The following ST6GALNAC3 variants were observed in gnomAD, a reference collection of about 807,000 sequenced individuals.
ST6GALNAC3 encodes the protein ST6 N-acetylgalactosaminide alpha-2,6-sialyltransferase 3, also known as alpha-N-acetylgalactosaminide alpha-2,6-sialyltransferase 3.
ST6GALNAC3 carries 25 observed loss-of-function variants against 32.7 expected under a neutral mutation model. The ratio of observed to expected loss-of-function variants is 0.76; its 90% CI spans 0.56 to 1.07. The LOEUF is 1.07. Ranked by LOEUF, ST6GALNAC3 falls within the 50% of genes least tolerant of loss-of-function variation. The pLI is 0.00. For missense variants in ST6GALNAC3, 355 were observed against 382.4 expected, an observed-to-expected ratio of 0.93 and a Z score of 0.60; for synonymous variants, 129 against 133.1, an observed-to-expected ratio of 0.97 and a Z score of 0.21.
chr1:76,536,654 CAAAAAAAAAAA>C (rs35157329), intron 3 of ST6GALNAC3, among the ~76,000 whole-genome samples: 4 of 57,622 alleles, frequency 6.9e-5, no homozygotes, highest in Non-Finnish European at 1.3e-4. Context: ...AAATGGAAAG[CAAAAAAAAAAA>C]AAAAAAAAAA....
chr1:76,591,374 A>T (rs1299510825), intron 3 of ST6GALNAC3, among the ~76,000 whole-genome samples: 1 of 152,106 alleles, frequency 6.6e-6, no homozygotes, highest in Non-Finnish European at 1.5e-5. Context: ...ATTTTGATTC[A>T]AAAGTCTGGG....
chr1:76,479,137 C>T (rs1223012316), intron 3 of ST6GALNAC3, among the ~76,000 whole-genome samples: 1 of 152,034 alleles, frequency 6.6e-6, no homozygotes, highest in East Asian at 1.9e-4. Flanking sequence ...TGTAACAGAA[C>T]TAAATACTTT....
chr1:76,391,179 A>G (rs1652515606), intron 2 of ST6GALNAC3, among the ~76,000 whole-genome samples: 3 of 152,058 alleles, frequency 2.0e-5, no homozygotes, highest in Admixed American at 6.6e-5. Flanking sequence ...TGACCTCGTG[A>G]TCCGCCCATC....
chr1:76,323,172 C>T (rs1371504757), intron 2 of ST6GALNAC3, among the ~76,000 whole-genome samples: 2 of 151,990 alleles, frequency 1.3e-5, no homozygotes, highest in African/African-American at 4.8e-5. Context: ...GATTGCAGGC[C>T]TGTGTCAAAC....
intron 3 of ST6GALNAC3, among the ~76,000 whole-genome samples, chr1:76,511,554 G>T (rs1203834437): frequency 6.6e-6 from 1 of 152,186 alleles, no homozygotes; most frequent in East Asian, 1.9e-4. Context: ...TAGGTTTAAA[G>T]ATTCTTTAGA....
At chr1:76,558,388 A>G (rs895850448) in intron 3 of ST6GALNAC3, among the ~76,000 whole-genome samples, 1 of 152,196 alleles carries the variant, frequency 6.6e-6, no homozygotes, top group African/African-American at 2.4e-5. Context: ...GTACATATAC[A>G]CCATGGAATA....
intron 3 of ST6GALNAC3, among the ~76,000 whole-genome samples, chr1:76,501,592 G>A (rs1661179496): frequency 6.6e-6 from 1 of 152,096 alleles, no homozygotes; most frequent in East Asian, 1.9e-4. Flanking sequence ...CGCCTAATAA[G>A]GAAGCTAACT....
At chr1:76,282,541 A>T (rs1401308721) in intron 1 of ST6GALNAC3, among the ~76,000 whole-genome samples, 1 of 152,178 alleles carries the variant, frequency 6.6e-6, no homozygotes, top group Admixed American at 6.5e-5. Flanking sequence ...TTTTAGTTTT[A>T]TCAATAGTGC....
At chr1:76,162,248 A>T (rs746747107) in intron 1 of ST6GALNAC3, among the ~76,000 whole-genome samples, 3 of 152,248 alleles carry the variant, frequency 2.0e-5, no homozygotes, top group Non-Finnish European at 4.4e-5. Context: ...CATGTAAAAG[A>T]TGCTCAGCCT....
chr1:76,323,333 A>G (rs181184674), intron 2 of ST6GALNAC3, among the ~76,000 whole-genome samples: 1 of 152,318 alleles, frequency 6.6e-6, no homozygotes, highest in East Asian at 1.9e-4. Context: ...AATGACAGTC[A>G]CTGTGTTAAG....
chr1:76,079,484 A>G (rs987705170), intron 1 of ST6GALNAC3, among the ~76,000 whole-genome samples: 1 of 152,224 alleles, frequency 6.6e-6, no homozygotes, highest in African/African-American at 2.4e-5. Context: ...GGAAGTGGAC[A>G]TTGAGTGGAC....
At chr1:76,201,115 A>G (rs1654491604) in intron 1 of ST6GALNAC3, among the ~76,000 whole-genome samples, 1 of 152,234 alleles carries the variant, frequency 6.6e-6, no homozygotes, top group Admixed American at 6.5e-5. Context: ...ACTGAGAACC[A>G]GAAAGCAAAA....
chr1:76,355,421 C>T (rs1261523782), intron 2 of ST6GALNAC3, among the ~76,000 whole-genome samples: 2 of 152,082 alleles, frequency 1.3e-5, no homozygotes, highest in African/African-American at 2.4e-5. Context: ...TGCATTGTGA[C>T]TTCCCTTTGT....
Position 76,630,422 on chromosome 1 carries a change from G to C in ST6GALNAC3, c.*1616G>C. 1.0e-6 allele frequency: 1 copy of C among 985,166 alleles called. No individual in the cohort carries two copies. The highest frequency in any genetic ancestry group is 1.2e-6 in the Non-Finnish European group (1 of 829,822). 61.0% of individuals were successfully genotyped at this position (985,166 alleles called of 1,614,324 possible). On this transcript the variant is annotated 3_prime_UTR_variant, in exon 5 of 5. Transcript: ENST00000328299. ...CAGAGAAATATAGTTTCCTTTCCTA[G>C]GATTGAGACAATTCTATTTTTCATA...
At chr1:76,468,550 G>T (rs1323962952) in intron 3 of ST6GALNAC3, among the ~76,000 whole-genome samples, 1 of 151,952 alleles carries the variant, frequency 6.6e-6, no homozygotes, top group African/African-American at 2.4e-5. Context: ...ATTAAATAAT[G>T]CAAATGCTCA....
Position 76,631,727 on chromosome 1 carries a change from G to A in ST6GALNAC3, c.*2921G>A, listed in dbSNP as rs1034051137. 2 of 151,898 alleles carry A rather than the reference G, an allele frequency of 1.3e-5. No individual in the cohort carries two copies. The highest frequency in any genetic ancestry group is 6.6e-5 in the Admixed American group (1 of 15,228). The allele number at this position is 151,898 out of a possible 1,614,324, so 9.4% of individuals were successfully genotyped here. On this transcript the variant is annotated 3_prime_UTR_variant, in exon 5 of 5. Coordinates refer to ENST00000328299, the MANE Select transcript of ST6GALNAC3 (RefSeq NM_152996.4). Reference sequence around the variant, plus strand: ...TATTTCAATACTATCCGTGCTTCTTGGAAAATGAACTATAAAAAAGGGTCA... The same window carrying A: ...TATTTCAATACTATCCGTGCTTCTTAGAAAATGAACTATAAAAAAGGGTCA...
intron 1 of ST6GALNAC3, among the ~76,000 whole-genome samples, chr1:76,137,381 A>C (rs1008142485): frequency 6.6e-6 from 1 of 152,212 alleles, no homozygotes; most frequent in South Asian, 2.1e-4. Flanking sequence ...GACTTTCTTT[A>C]ATTTGCCCTA....
chr1:76,445,886 T>C (rs1244263516), intron 3 of ST6GALNAC3, among the ~76,000 whole-genome samples: 1 of 152,224 alleles, frequency 6.6e-6, no homozygotes, highest in Admixed American at 6.5e-5. Flanking sequence ...CTGATACTAT[T>C]TATGCCCATG....
intron 1 of ST6GALNAC3, among the ~76,000 whole-genome samples, chr1:76,189,014 C>A (rs932926504): frequency 6.6e-6 from 1 of 152,164 alleles, no homozygotes; most frequent in East Asian, 1.9e-4. Flanking sequence ...AACATGGAGA[C>A]CCCTGCATAG....
Sources: gnomAD v4.1 joint callset for allele counts (sites outside exome capture counted in the v4.1 genomes callset) on GRCh38, gnomAD v4.1.1 for gene constraint, MANE v1.5 for transcripts, NCBI Gene and HGNC (gene_info 2026-07-23, HGNC 2026-07-21) for gene names.